The following NEURL1 variants were observed in gnomAD, a reference collection of about 807,000 sequenced individuals.
The protein encoded by NEURL1 is E3 ubiquitin-protein ligase NEURL1.
In NEURL1, 26 loss-of-function variants were observed where a neutral mutation model predicts 41.2. That is an observed-to-expected ratio of 0.63 (90% confidence interval 0.46 to 0.87). NEURL1 has a LOEUF of 0.87. NEURL1 is among the 40% of genes least tolerant of loss of function. The pLI, the probability that NEURL1 is intolerant of heterozygous loss-of-function variation, is 0.00. For synonymous variants in NEURL1, 400 were observed against 402.3 expected, an observed-to-expected ratio of 0.99 and a Z score of 0.07; for missense variants, 761 against 871.1, an observed-to-expected ratio of 0.87 and a Z score of 1.59.
Position 103,544,398 on chromosome 10 carries a change from T to A in NEURL1, c.86-26474T>A, listed in dbSNP as rs2034885651. Among the ~76,000 whole-genome samples the A allele has an allele frequency of 2.6e-5, 4 of 152,198 alleles. No individual in the cohort carries two copies. The South Asian group carries it at 8.3e-4, about 32-fold the overall frequency. On this transcript the variant is annotated intron_variant, in intron 1 of 5. Coordinates refer to ENST00000369780, the MANE Select transcript of NEURL1 (RefSeq NM_004210.5). Reference sequence around the variant, plus strand: ...CACCAGACCCTGGTGGAAGGGGGAATGGGAGAAGGAGCTGCTTCTTCAGAC... The same window carrying A: ...CACCAGACCCTGGTGGAAGGGGGAAAGGGAGAAGGAGCTGCTTCTTCAGAC...
intron 1 of NEURL1, among the ~76,000 whole-genome samples, chr10:103,563,815 C>T (rs1224680457): frequency 6.6e-6 from 1 of 152,204 alleles, no homozygotes; most frequent in African/African-American, 2.4e-5. Context: ...AGTGACAGAG[C>T]TGCTAGGTTT....
rs2036045473 is a variant in NEURL1 at position 103,591,471 on chromosome 10, C to G, written c.*1099C>G. ...TAGGTGAGTTCCCATCCTCTGGGCCCCTAGAAATGCTGCCTTTGTGTGTGG... is the reference window on the plus strand; with the variant it reads ...TAGGTGAGTTCCCATCCTCTGGGCCGCTAGAAATGCTGCCTTTGTGTGTGG... On this transcript the variant is annotated 3_prime_UTR_variant, in exon 6 of 6. Coordinates refer to ENST00000369780, the MANE Select transcript of NEURL1 (RefSeq NM_004210.5). 1 of 152,160 alleles carries G rather than the reference C, an allele frequency of 6.6e-6. No individual in the cohort carries two copies. The highest frequency in any genetic ancestry group is 1.5e-5 in the Non-Finnish European group (1 of 68,090). 9.4% of individuals were successfully genotyped at this position (152,160 alleles called of 1,614,324 possible). A position where few individuals can be genotyped will look rare whatever the true frequency, so the allele number is the denominator to read the frequency against.
intron 1 of NEURL1, among the ~76,000 whole-genome samples, chr10:103,555,055 A>G (rs1334644965): frequency 3.3e-5 from 5 of 151,840 alleles, no homozygotes; most frequent in African/African-American, 1.2e-4. Flanking sequence ...CCTCCTCCTT[A>G]TGTAAATAAA....
Position 103,584,594 on chromosome 10 carries a change from G to A in NEURL1, c.708G>A (p.Arg236=). Residue 236 remains arginine, a synonymous_variant, in exon 4 of 6, where the codon CGG becomes CGA. Transcript: ENST00000369780. ...CGCGCTCCTTCACCGCCCTGCGGCG[G>A]CCGTCGCTGCGGCGCGAGGCGGACG... ...LRPRSFTALR[R]PSLRREADDA... 1.4e-6 allele frequency: 2 copies of A among 1,414,002 alleles called. No homozygotes were observed. Among genetic ancestry groups the A allele is most frequent in the Admixed American group, 3.1e-5 (1 of 32,454 alleles). 87.6% of individuals were successfully genotyped at this position (1,414,002 alleles called of 1,614,324 possible). A position where few individuals can be genotyped will look rare whatever the true frequency, so the allele number is the denominator to read the frequency against.
chr10:103,557,093 C>CTCACCTGTCAAA (rs2035172601), intron 1 of NEURL1, among the ~76,000 whole-genome samples: 1 of 152,178 alleles, frequency 6.6e-6, no homozygotes, highest in Non-Finnish European at 1.5e-5. Flanking sequence ...CCTCAGTTTT[C>CTCACCTGTCAAA]TCACCTGTCA....
At chr10:103,500,725 C>T (rs528975586) in intron 1 of NEURL1, among the ~76,000 whole-genome samples, 10 of 152,316 alleles carry the variant, frequency 6.6e-5, no homozygotes, top group African/African-American at 2.4e-4. Context: ...TCTTTGGGGC[C>T]AGTGTTTCTC....
At chr10:103,519,801 C>T (rs562611740) in intron 1 of NEURL1, among the ~76,000 whole-genome samples, 44 of 146,240 alleles carry the variant, frequency 3.0e-4, no homozygotes, top group Admixed American at 1.3e-3. Flanking sequence ...TTTTTTTTTT[C>T]GAGACAGGGT....
At chr10:103,544,352 G>A (rs1309347570) in intron 1 of NEURL1, among the ~76,000 whole-genome samples, 1 of 152,172 alleles carries the variant, frequency 6.6e-6, no homozygotes, top group African/African-American at 2.4e-5. Context: ...AGAATGTGCC[G>A]CTGGCCCATC....
At chr10:103,588,666 G>T (rs963910996) in intron 4 of NEURL1, 3 of 407,666 alleles carry the variant, frequency 7.4e-6, no homozygotes, top group Non-Finnish European at 1.5e-5. Context: ...GGAGAGGAAG[G>T]CCGGGCGCAG....
chr10:103,587,636 CAT>C (rs1286670444), intron 4 of NEURL1, among the ~76,000 whole-genome samples: 2 of 152,224 alleles, frequency 1.3e-5, no homozygotes, highest in South Asian at 2.1e-4. Flanking sequence ...TTCCTTCACT[CAT>C]GTGTATCACA....
chr10:103,538,757 C>T (rs1340673483), intron 1 of NEURL1, among the ~76,000 whole-genome samples: 2 of 150,194 alleles, frequency 1.3e-5, no homozygotes, highest in African/African-American at 4.9e-5. Context: ...AGTGATTCTC[C>T]TGCCTCAGCC....
intron 1 of NEURL1, among the ~76,000 whole-genome samples, chr10:103,536,897 A>T (rs1387281414): frequency 2.0e-5 from 3 of 152,176 alleles, no homozygotes. Flanking sequence ...GGAACCCTGT[A>T]CCCATTAAAC....
intron 1 of NEURL1, among the ~76,000 whole-genome samples, chr10:103,543,038 G>C (rs1320911473): frequency 1.3e-5 from 2 of 152,188 alleles, no homozygotes; most frequent in Non-Finnish European, 2.9e-5. Flanking sequence ...CTTGGAAGGC[G>C]TGGGTTTGAA....
intron 3 of NEURL1, among the ~76,000 whole-genome samples, chr10:103,579,858 C>T (rs2035748363): frequency 6.6e-6 from 1 of 152,136 alleles, no homozygotes; most frequent in Non-Finnish European, 1.5e-5. Context: ...ACAAGAATCG[C>T]TTGAACCTGG....
At chr10:103,510,890 G>C (rs2034052955) in intron 1 of NEURL1, among the ~76,000 whole-genome samples, 1 of 152,166 alleles carries the variant, frequency 6.6e-6, no homozygotes, top group African/African-American at 2.4e-5. Flanking sequence ...CCCCCTAGAA[G>C]TTTCTCAGGC....
intron 1 of NEURL1, among the ~76,000 whole-genome samples, chr10:103,517,676 A>G (rs1180496938): frequency 6.6e-6 from 1 of 152,234 alleles, no homozygotes; most frequent in Non-Finnish European, 1.5e-5. Context: ...ACTGTTTCCC[A>G]AAGAGAAATT....
At chr10:103,562,243 C>T (rs1438185428) in intron 1 of NEURL1, among the ~76,000 whole-genome samples, 2 of 152,066 alleles carry the variant, frequency 1.3e-5, no homozygotes, top group African/African-American at 4.8e-5. Context: ...ATTAGCCAGG[C>T]GTGGTGGCTC....
chr10:103,518,074 G>T (rs908916374), intron 1 of NEURL1, among the ~76,000 whole-genome samples: 16 of 152,172 alleles, frequency 1.1e-4, no homozygotes, highest in African/African-American at 3.9e-4. Context: ...ATTTGGGAAA[G>T]CTTATTGCCA....
At chr10:103,565,533 C>T (rs567368257) in intron 1 of NEURL1, among the ~76,000 whole-genome samples, 205 of 152,344 alleles carry the variant, frequency 1.3e-3, no homozygotes, top group African/African-American at 4.8e-3. Flanking sequence ...TGGTAGATGG[C>T]CACATCCTAG....
Sources: gnomAD v4.1 joint callset for allele counts (sites outside exome capture counted in the v4.1 genomes callset) on GRCh38, gnomAD v4.1.1 for gene constraint, MANE v1.5 for transcripts, NCBI Gene and HGNC (gene_info 2026-07-23, HGNC 2026-07-21) for gene names.